The following PCDHA9 variants were observed in gnomAD, a reference collection of about 807,000 sequenced individuals.
The protein encoded by PCDHA9 is protocadherin alpha-9.
A neutral mutation model predicts 62.0 loss-of-function variants in PCDHA9; 62 were observed. The observed-to-expected ratio is 1.00, with a 90% confidence interval of 0.81 to 1.23. The LOEUF (loss-of-function observed/expected upper bound fraction) is 1.23. Ranked by LOEUF, PCDHA9 falls within the 50% of genes most tolerant of loss-of-function variation. The pLI is 0.00. For missense variants in PCDHA9, 1,205 were observed against 1,249.8 expected, an observed-to-expected ratio of 0.96 and a Z score of 0.54; for synonymous variants, 557 against 567.6, an observed-to-expected ratio of 0.98 and a Z score of 0.27.
chr5:140,872,073 T>C (rs2053472746), intron 1 of PCDHA9, among the ~76,000 whole-genome samples: 1 of 152,222 alleles, frequency 6.6e-6, no homozygotes, highest in Admixed American at 6.5e-5. Context: ...TAGCTGGGAA[T>C]GCAGTGCCAC....
chr5:140,967,034 C>T (rs782810130), intron 1 of PCDHA9: 9 of 1,610,726 alleles, frequency 5.6e-6, no homozygotes, highest in Non-Finnish European at 2.5e-6. Flanking sequence ...TCCGCGCTAC[C>T]TGGAGCTGGA....
intron 1 of PCDHA9, among the ~76,000 whole-genome samples, chr5:140,871,854 A>C (rs1271399215): frequency 6.6e-6 from 1 of 152,254 alleles, no homozygotes; most frequent in African/African-American, 2.4e-5. Context: ...TATGACCATA[A>C]TAACTATGGA....
intron 1 of PCDHA9, among the ~76,000 whole-genome samples, chr5:140,942,875 C>A (rs1003014974): frequency 2.0e-5 from 3 of 151,896 alleles, no homozygotes; most frequent in African/African-American, 7.3e-5. Flanking sequence ...AGCATGACAA[C>A]TTTTTTCCTA....
intron 3 of PCDHA9, among the ~76,000 whole-genome samples, chr5:140,985,631 T>C (rs551279134): frequency 1.2e-4 from 18 of 152,250 alleles, no homozygotes; most frequent in Admixed American, 1.2e-3. Flanking sequence ...GTATTGCTCT[T>C]CTCATCCCAA....
At chr5:141,001,261 CTT>C (rs1437571267) in intron 3 of PCDHA9, among the ~76,000 whole-genome samples, 1 of 152,062 alleles carries the variant, frequency 6.6e-6, no homozygotes, top group East Asian at 1.9e-4. Flanking sequence ...GGCGGGCACT[CTT>C]ATGAACTTTT....
chr5:140,942,572 C>A (rs2093326271), intron 1 of PCDHA9, among the ~76,000 whole-genome samples: 1 of 151,292 alleles, frequency 6.6e-6, no homozygotes, highest in Non-Finnish European at 1.5e-5. Flanking sequence ...AAAAATCTTC[C>A]CATATAGGAT....
chr5:140,916,303 A>G (rs2077518127), intron 1 of PCDHA9, among the ~76,000 whole-genome samples: 1 of 152,176 alleles, frequency 6.6e-6, no homozygotes, highest in Admixed American at 6.5e-5. Context: ...ACTGGTACCA[A>G]AGGTGCAAGA....
chr5:140,883,091 G>T, intron 1 of PCDHA9: 1 of 1,614,112 alleles, frequency 6.2e-7, no homozygotes, highest in Non-Finnish European at 8.5e-7. Context: ...TGGTACAAAT[G>T]GAGATATAGT....
At chr5:140,921,277 A>G (rs1554200163) in intron 1 of PCDHA9, among the ~76,000 whole-genome samples, 1 of 152,210 alleles carries the variant, frequency 6.6e-6, no homozygotes, top group Non-Finnish European at 1.5e-5. Flanking sequence ...ACTTACTTGA[A>G]AAAAACCTCA....
chr5:140,991,445 A>G (rs1352709310), intron 3 of PCDHA9, among the ~76,000 whole-genome samples: 1 of 152,222 alleles, frequency 6.6e-6, no homozygotes, highest in African/African-American at 2.4e-5. Flanking sequence ...CATGGCTTAA[A>G]ACAACACAAT....
intron 1 of PCDHA9, chr5:140,851,289 A>G (rs987859417): frequency 9.6e-7 from 1 of 1,037,038 alleles, no homozygotes; most frequent in South Asian, 4.4e-5. Flanking sequence ...AAGAAACCCA[A>G]GCAAAAATAT....
At chr5:140,869,781 T>G in intron 1 of PCDHA9, 1 of 1,612,992 alleles carries the variant, frequency 6.2e-7, no homozygotes, top group African/African-American at 1.3e-5. Context: ...CTGGCACCGT[T>G]CGGCTGTTAG....
intron 1 of PCDHA9, among the ~76,000 whole-genome samples, chr5:140,914,843 A>G (rs1269507537): frequency 6.6e-6 from 1 of 152,142 alleles, no homozygotes; most frequent in Non-Finnish European, 1.5e-5. Context: ...CAAACACACA[A>G]AAGGAAGACT....
chr5:140,925,330 A>G (rs1459062876), intron 1 of PCDHA9, among the ~76,000 whole-genome samples: 2 of 152,132 alleles, frequency 1.3e-5, no homozygotes, highest in African/African-American at 4.8e-5. Context: ...CCTGTATTAA[A>G]AGAAGGATTT....
At chr5:140,891,499 C>T (rs896936552) in intron 1 of PCDHA9, among the ~76,000 whole-genome samples, 1 of 151,838 alleles carries the variant, frequency 6.6e-6, no homozygotes, top group South Asian at 2.1e-4. Flanking sequence ...ATATCCTCAG[C>T]TATAATGTTC....
At chr5:140,955,623 T>C (rs2095210763) in intron 1 of PCDHA9, among the ~76,000 whole-genome samples, 1 of 152,208 alleles carries the variant, frequency 6.6e-6, no homozygotes, top group Non-Finnish European at 1.5e-5. Context: ...GGCAGTTCTT[T>C]ATAGCAGTGT....
At chr5:140,871,697 A>G (rs2053267729) in intron 1 of PCDHA9, 3 of 935,180 alleles carry the variant, frequency 3.2e-6, no homozygotes, top group Non-Finnish European at 3.1e-6. Flanking sequence ...GGCTTCTTTA[A>G]CCAATAAATG....
chr5:140,998,855 C>T (rs544471391), intron 3 of PCDHA9, among the ~76,000 whole-genome samples: 63 of 152,320 alleles, frequency 4.1e-4, no homozygotes, highest in Admixed American at 2.1e-3. Context: ...GAGCCACATG[C>T]CTGGCCTTGT....
chr5:140,870,590 G>T, intron 1 of PCDHA9: 2 of 1,613,564 alleles, frequency 1.2e-6, no homozygotes, highest in Non-Finnish European at 1.7e-6. Flanking sequence ...CTGGTGGAGC[G>T]GCGGTTGGGC....
Sources: gnomAD v4.1 joint callset for allele counts (sites outside exome capture counted in the v4.1 genomes callset) on GRCh38, gnomAD v4.1.1 for gene constraint, MANE v1.5 for transcripts, NCBI Gene and HGNC (gene_info 2026-07-23, HGNC 2026-07-21) for gene names.